FNIP1: variants seen among roughly 807,000 people sequenced by gnomAD.
FNIP1 encodes the protein folliculin interacting protein 1.
FNIP1 carries 40 observed loss-of-function variants against 124.5 expected under a neutral mutation model. That is an observed-to-expected ratio of 0.32 (90% CI 0.25 to 0.42). FNIP1 has a LOEUF of 0.42. Ranked by LOEUF, FNIP1 falls within the 10% of genes least tolerant of loss-of-function variation. FNIP1 has a pLI of 1.00. For missense variants in FNIP1, 1,176 were observed against 1,403.7 expected (o/e 0.84, Z 2.59); for synonymous variants, 472 against 470.6 (o/e 1.00, Z -0.04).
chr5:131,717,893 C>A (rs1037524752), intron 5 of FNIP1, among the ~76,000 whole-genome samples: 1 of 151,660 alleles, frequency 6.6e-6, no homozygotes, highest in East Asian at 1.9e-4. Flanking sequence ...TAAAGGATAC[C>A]CCCCATGGCC....
intron 1 of FNIP1, 127 bp downstream of exon 1, chr5:131,796,703 C>A: frequency 1.2e-6 from 1 of 852,054 alleles, no homozygotes. Flanking sequence ...TCCACCCCAC[C>A]GAGGACCAGA....
At chr5:131,781,584 TCTGGATGACAGCA>T (rs1228055293) in intron 1 of FNIP1, among the ~76,000 whole-genome samples, 1 of 152,226 alleles carries the variant, frequency 6.6e-6, no homozygotes, top group Non-Finnish European at 1.5e-5. Context: ...AACAACAAAG[TCTGGATGACAGCA>T]CATCTGCTGA....
At chr5:131,783,918 A>G (rs962719185) in intron 1 of FNIP1, among the ~76,000 whole-genome samples, 23 of 151,978 alleles carry the variant, frequency 1.5e-4, no homozygotes, top group Middle Eastern at 3.4e-3. Flanking sequence ...TTCTCAGGAA[A>G]CTCCTGGATA....
intron 15 of FNIP1, among the ~76,000 whole-genome samples, chr5:131,658,898 G>A (rs1215661872): frequency 3.2e-4 from 26 of 81,336 alleles, no homozygotes; most frequent in African/African-American, 1.2e-3. Context: ...TTTAAATCCT[G>A]GGTCTAGCCA....
At chr5:131,741,488 T>A (rs1317339224) in intron 2 of FNIP1, among the ~76,000 whole-genome samples, 2 of 152,206 alleles carry the variant, frequency 1.3e-5, no homozygotes, top group Non-Finnish European at 2.9e-5. Context: ...CCAAAACCCA[T>A]TAAATATACT....
At chr5:131,781,579 C>G (rs192664514) in intron 1 of FNIP1, among the ~76,000 whole-genome samples, 113 of 152,310 alleles carry the variant, frequency 7.4e-4, no homozygotes, top group South Asian at 6.2e-3. Flanking sequence ...AGATGAACAA[C>G]AAAGTCTGGA....
intron 1 of FNIP1, among the ~76,000 whole-genome samples, chr5:131,794,349 C>G (rs1203077304): frequency 6.7e-6 from 1 of 149,690 alleles, no homozygotes; most frequent in Non-Finnish European, 1.5e-5. Flanking sequence ...GAACCTGTAA[C>G]CTTCATGCAT....
intron 1 of FNIP1, among the ~76,000 whole-genome samples, chr5:131,748,949 A>G (rs1437087168): frequency 6.6e-6 from 1 of 152,070 alleles, no homozygotes; most frequent in East Asian, 1.9e-4. Context: ...GGTACTGATA[A>G]TCCTGACTCT....
intron 8 of FNIP1, among the ~76,000 whole-genome samples, chr5:131,707,173 C>T (rs1362389694): frequency 2.0e-5 from 3 of 152,150 alleles, no homozygotes; most frequent in East Asian, 3.8e-4. Flanking sequence ...ATTCCCTTCC[C>T]GAAACACTTC....
intron 11 of FNIP1, among the ~76,000 whole-genome samples, chr5:131,694,669 T>A (rs542499592): frequency 4.9e-4 from 74 of 152,302 alleles, no homozygotes; most frequent in African/African-American, 1.7e-3. Context: ...TATAATGGTG[T>A]GTATATGACA....
intron 1 of FNIP1, among the ~76,000 whole-genome samples, chr5:131,776,107 G>C (rs1405944322): frequency 1.3e-5 from 2 of 152,116 alleles, no homozygotes; most frequent in Non-Finnish European, 2.9e-5. Flanking sequence ...TTTGTATCCA[G>C]AAAGTTTGAC....
intron 3 of FNIP1, among the ~76,000 whole-genome samples, chr5:131,723,142 A>G (rs1769732289): frequency 1.3e-5 from 2 of 152,198 alleles, no homozygotes; most frequent in Admixed American, 1.3e-4. Context: ...AAGGAGCAGA[A>G]AATTTTTTTA....
chr5:131,744,539 C>T, intron 2 of FNIP1, 25 bp downstream of exon 2: 25 of 1,570,804 alleles, frequency 1.6e-5, no homozygotes, highest in Non-Finnish European at 2.2e-5. Flanking sequence ...CATTAAAAGT[C>T]AACCAAATCA....
intron 11 of FNIP1, among the ~76,000 whole-genome samples, chr5:131,687,029 A>C (rs1178678730): frequency 1.3e-5 from 2 of 151,896 alleles, no homozygotes; most frequent in East Asian, 3.9e-4. Context: ...CAAAAAAAAA[A>C]AAAAAGCATA....
chr5:131,747,988 T>C (rs1180120928), intron 1 of FNIP1, among the ~76,000 whole-genome samples: 3 of 151,786 alleles, frequency 2.0e-5, no homozygotes, highest in Non-Finnish European at 4.4e-5. Flanking sequence ...GAGATAAAGA[T>C]GTACATGGGT....
At chr5:131,704,945 T>C (rs1483616791) in intron 9 of FNIP1, among the ~76,000 whole-genome samples, 6 of 151,950 alleles carry the variant, frequency 3.9e-5, no homozygotes, top group African/African-American at 1.4e-4. Flanking sequence ...CTGGACTACA[T>C]ACAAATTTAA....
intron 1 of FNIP1, among the ~76,000 whole-genome samples, chr5:131,748,177 G>A (rs964750898): frequency 6.6e-5 from 10 of 152,044 alleles, no homozygotes; most frequent in Admixed American, 1.3e-4. Flanking sequence ...ACCATATAAC[G>A]TTTTGGTCAA....
chr5:131,747,793 G>A (rs1002558111), intron 1 of FNIP1, among the ~76,000 whole-genome samples: 1 of 152,152 alleles, frequency 6.6e-6, no homozygotes, highest in African/African-American at 2.4e-5. Context: ...CAAGTAGAGT[G>A]AGAGTGACAG....
At chr5:131,718,378 G>A (rs1269653655) in intron 5 of FNIP1, among the ~76,000 whole-genome samples, 2 of 152,134 alleles carry the variant, frequency 1.3e-5, no homozygotes, top group African/African-American at 4.8e-5. Context: ...CAGGGGCTCT[G>A]ACTAGCCAAT....
Sources: gnomAD v4.1 joint callset for allele counts (sites outside exome capture counted in the v4.1 genomes callset) on GRCh38, gnomAD v4.1.1 for gene constraint, MANE v1.5 for transcripts, NCBI Gene and HGNC (gene_info 2026-07-23, HGNC 2026-07-21) for gene names.